SAMD4A: variants seen among roughly 807,000 people sequenced by gnomAD.
SAMD4A encodes sterile alpha motif domain containing 4A, also known as protein Smaug homolog 1.
In SAMD4A, 33 loss-of-function variants were observed where a neutral mutation model predicts 81.3. The observed-to-expected ratio is 0.41, with a 90% CI of 0.31 to 0.54. SAMD4A has a LOEUF of 0.54. SAMD4A is among the 20% of genes least tolerant of loss of function. SAMD4A has a pLI of 0.37. For synonymous variants in SAMD4A, 389 were observed against 382.1 expected, an observed-to-expected ratio of 1.02 and a Z score of -0.21; for missense variants, 854 against 951.1, an observed-to-expected ratio of 0.90 and a Z score of 1.34.
rs77547689 is a variant in SAMD4A at position 54,681,460 on chromosome 14, C to G, written c.197-20602C>G. 3.8e-3 allele frequency among the ~76,000 whole-genome samples: 573 copies of G among 152,270 alleles called. 6 individuals carry two copies. The highest frequency in any genetic ancestry group is 0.033 in the South Asian group (159 of 4,810). On this transcript the variant is annotated intron_variant, in intron 2 of 12. Transcript: ENST00000554335. ...ATTTTTCTTTTTGGAGATGCGGACT[C>G]GCTCTGTTACCCAGGCTGGAGTATA...
intron 2 of SAMD4A, among the ~76,000 whole-genome samples, chr14:54,664,309 A>T (rs1458382065): frequency 6.6e-6 from 1 of 152,144 alleles, no homozygotes; most frequent in Admixed American, 6.5e-5. Context: ...CTGTACTTCT[A>T]CCAAGTTTGA....
intron 2 of SAMD4A, among the ~76,000 whole-genome samples, chr14:54,621,569 C>A (rs1373901182): frequency 1.3e-5 from 2 of 151,694 alleles, no homozygotes; most frequent in Non-Finnish European, 2.9e-5. Context: ...ACCATGTTGC[C>A]CAGGCTAGTC....
intron 3 of SAMD4A, among the ~76,000 whole-genome samples, chr14:54,724,007 T>TGGAAA (rs1555347510): frequency 5.6e-5 from 7 of 124,176 alleles, no homozygotes; most frequent in African/African-American, 1.8e-4. Context: ...GATGGATGGA[T>TGGAAA]GGAAGGAAGG....
rs1219157466 is a variant in SAMD4A at position 54,791,730 on chromosome 14, C to G, written c.*2786C>G. ...CACCTTGTTTTGAGTCCTGTGTTGA[C>G]TACAGGTATATAGCTCAATTTAAAA... is the stretch of plus-strand genomic sequence containing the variant. On this transcript the variant is annotated 3_prime_UTR_variant, in exon 13 of 13. Coordinates refer to ENST00000554335, the MANE Select transcript of SAMD4A (RefSeq NM_015589.6). 1 of 151,846 alleles carries G rather than the reference C, an allele frequency of 6.6e-6. No homozygotes were observed. Among genetic ancestry groups the G allele is most frequent in the East Asian group, 1.9e-4 (1 of 5,188 alleles). 9.4% of individuals were successfully genotyped at this position (151,846 alleles called of 1,614,324 possible). A position where few individuals can be genotyped will look rare whatever the true frequency, so the allele number is the denominator to read the frequency against.
At chr14:54,745,116 G>A (rs1382291516) in intron 4 of SAMD4A, among the ~76,000 whole-genome samples, 7 of 152,070 alleles carry the variant, frequency 4.6e-5, no homozygotes, top group African/African-American at 1.2e-4. Context: ...TTAAGTTCAG[G>A]TCCTGGCCTT....
chr14:54,722,589 C>G (rs2037290464), intron 3 of SAMD4A, among the ~76,000 whole-genome samples: 1 of 152,162 alleles, frequency 6.6e-6, no homozygotes, highest in South Asian at 2.1e-4. Context: ...GGTTCTAAGT[C>G]TTAGCGTCAA....
intron 2 of SAMD4A, among the ~76,000 whole-genome samples, chr14:54,670,395 G>A (rs1003318242): frequency 1.3e-5 from 2 of 152,226 alleles, no homozygotes; most frequent in Non-Finnish European, 2.9e-5. Context: ...GGGCCCAGGT[G>A]ACTTGCCTTT....
intron 5 of SAMD4A, 134 bp from the exon 6 acceptor site, chr14:54,751,317 A>G (rs2038096253): frequency 1.6e-5 from 10 of 615,644 alleles, no homozygotes; most frequent in Non-Finnish European, 2.9e-5. Flanking sequence ...AATGCAAGAG[A>G]TAAGTGGATA....
At chr14:54,676,464 C>T (rs1459177466) in intron 2 of SAMD4A, among the ~76,000 whole-genome samples, 1 of 152,190 alleles carries the variant, frequency 6.6e-6, no homozygotes, top group Non-Finnish European at 1.5e-5. Flanking sequence ...GTAACCTCCG[C>T]CTCCCAAGTT....
intron 3 of SAMD4A, among the ~76,000 whole-genome samples, chr14:54,732,110 T>C (rs2037572486): frequency 6.6e-6 from 1 of 152,166 alleles, no homozygotes; most frequent in Non-Finnish European, 1.5e-5. Flanking sequence ...ATCATCTCTG[T>C]CAAATGAGTG....
intron 2 of SAMD4A, among the ~76,000 whole-genome samples, chr14:54,593,507 T>C (rs1004294792): frequency 1.3e-5 from 2 of 152,190 alleles, no homozygotes; most frequent in Admixed American, 1.3e-4. Context: ...GAAGATGATA[T>C]TTACTTTCTA....
rs139682131 is a variant in SAMD4A at position 54,704,043 on chromosome 14, C to A, written c.715+1463C>A. ...AATAACCAAGCAAACACTGAAGATACTGCATTGATATTGCTACAACATGGG... is the reference window on the plus strand; with the variant it reads ...AATAACCAAGCAAACACTGAAGATAATGCATTGATATTGCTACAACATGGG... On this transcript the variant is annotated intron_variant, in intron 3 of 12. Transcript: ENST00000554335. 9.1e-4 allele frequency among the ~76,000 whole-genome samples: 139 copies of A among 152,308 alleles called. 1 individual carries two copies. Among genetic ancestry groups the A allele is most frequent in the Middle Eastern group, 3.4e-3 (1 of 294 alleles).
rs543196824 is a variant in SAMD4A, at chr14:54,670,528, C to T, written c.197-31534C>T. On this transcript the variant is annotated intron_variant, in intron 2 of 12. Transcript: ENST00000554335. ...TTCAAGCCTCAGCATTATGTTTTAC[C>T]AGCTTTTGACCTCGGCCAAATGACT... Among the ~76,000 whole-genome samples, 310 of 152,310 alleles carry T rather than the reference C, an allele frequency of 2.0e-3. 1 individual carries two copies. The highest frequency in any genetic ancestry group is 7.2e-3 in the African/African-American group (299 of 41,582).
intron 2 of SAMD4A, among the ~76,000 whole-genome samples, chr14:54,614,832 C>G (rs573953687): frequency 3.3e-5 from 5 of 152,242 alleles, no homozygotes; most frequent in Admixed American, 1.3e-4. Context: ...TAGAGAGAGA[C>G]CTGTGACATG....
chr14:54,789,128 G>C lies in SAMD4A; in HGVS notation c.*184G>C, dbSNP rs113218852. On this transcript the variant is annotated 3_prime_UTR_variant, in exon 13 of 13. Coordinates refer to ENST00000554335, the MANE Select transcript of SAMD4A (RefSeq NM_015589.6). ...CTCGTAAACATATCAGTAGACCTGG[G>C]GTTGGTTATTTTGTCATTTGTTTCT... is the stretch of plus-strand genomic sequence containing the variant. The C allele has an allele frequency of 2.1e-5, 14 of 661,858 alleles. No homozygotes were observed. The highest frequency in any genetic ancestry group is 3.6e-5 in the African/African-American group (2 of 55,474). The allele number at this position is 661,858 out of a possible 1,614,324, so 41.0% of individuals were successfully genotyped here.
At chr14:54,735,340 C>T (rs2037665964) in intron 3 of SAMD4A, among the ~76,000 whole-genome samples, 1 of 152,088 alleles carries the variant, frequency 6.6e-6, no homozygotes, top group African/African-American at 2.4e-5. Context: ...AGTAGCAATG[C>T]AAGCCATTTA....
At chr14:54,638,024 C>T (rs1195680011) in intron 2 of SAMD4A, among the ~76,000 whole-genome samples, 1 of 152,198 alleles carries the variant, frequency 6.6e-6, no homozygotes, top group Non-Finnish European at 1.5e-5. Flanking sequence ...CCCAACCTTG[C>T]CAGCTTTTTG....
chr14:54,669,196 A>G (rs2035819734), intron 2 of SAMD4A, among the ~76,000 whole-genome samples: 1 of 152,006 alleles, frequency 6.6e-6, no homozygotes, highest in Non-Finnish European at 1.5e-5. Flanking sequence ...CTTACATCCT[A>G]CTCATTAGAG....
intron 2 of SAMD4A, among the ~76,000 whole-genome samples, chr14:54,653,162 T>G (rs1026488872): frequency 6.6e-6 from 1 of 151,974 alleles, no homozygotes; most frequent in Non-Finnish European, 1.5e-5. Context: ...GCCATGTATT[T>G]CTGCACTCTG....
Sources: gnomAD v4.1 joint callset for allele counts (sites outside exome capture counted in the v4.1 genomes callset) on GRCh38, gnomAD v4.1.1 for gene constraint, MANE v1.5 for transcripts, NCBI Gene and HGNC (gene_info 2026-07-23, HGNC 2026-07-21) for gene names.